Variants in HIPK2 observed in about 807,000 individuals in gnomAD.
HIPK2 encodes homeodomain interacting protein kinase 2.
Under a neutral mutation model 113.7 loss-of-function variants are expected in HIPK2, and 27 were observed. The ratio of observed to expected loss-of-function variants is 0.24; its 90% CI spans 0.17 to 0.33. The LOEUF (loss-of-function observed/expected upper bound fraction) is 0.33. Ranked by LOEUF, HIPK2 falls within the 10% of genes least tolerant of loss-of-function variation. HIPK2 has a pLI of 1.00. For missense variants in HIPK2, 1,257 were observed against 1,588.0 expected, an observed-to-expected ratio of 0.79 and a Z score of 3.54; for synonymous variants, 631 against 642.2, an observed-to-expected ratio of 0.98 and a Z score of 0.26.
intron 1 of HIPK2, among the ~76,000 whole-genome samples, chr7:139,739,013 C>T (rs552819506): frequency 3.9e-5 from 6 of 152,286 alleles, no homozygotes; most frequent in Admixed American, 2.6e-4. Flanking sequence ...AGAATAAATG[C>T]CCTCGCCCAA....
chr7:139,577,443 C>T (rs538998185), intron 13 of HIPK2, among the ~76,000 whole-genome samples: 53 of 152,214 alleles, frequency 3.5e-4, no homozygotes, highest in African/African-American at 6.3e-4. Context: ...TGAGCCACCG[C>T]GCTGGGCCAA....
At chr7:139,777,551 C>T (rs1050138421) in intron 1 of HIPK2, 54 bp downstream of exon 1, 17 of 865,258 alleles carry the variant, frequency 2.0e-5, no homozygotes, top group Non-Finnish European at 2.3e-5. Flanking sequence ...AACAAAGCTG[C>T]GGGGGCCGCG....
chr7:139,590,269 A>T (rs1195271890), intron 12 of HIPK2, among the ~76,000 whole-genome samples: 1 of 152,246 alleles, frequency 6.6e-6, no homozygotes, highest in East Asian at 1.9e-4. Context: ...TTCTGAATAA[A>T]GAACAAAGCT....
chr7:139,593,279 T>C (rs1335930320), intron 12 of HIPK2, among the ~76,000 whole-genome samples: 3 of 152,192 alleles, frequency 2.0e-5, no homozygotes, highest in Admixed American at 2.0e-4. Flanking sequence ...CAAATGGGAA[T>C]AGAAATATCA....
At chr7:139,691,375 C>A (rs1000874278) in intron 2 of HIPK2, among the ~76,000 whole-genome samples, 1 of 152,160 alleles carries the variant, frequency 6.6e-6, no homozygotes, top group Non-Finnish European at 1.5e-5. Flanking sequence ...TTCATATCTG[C>A]GGAGAGAGTG....
chr7:139,694,443 C>T (rs1409266994), intron 2 of HIPK2, among the ~76,000 whole-genome samples: 4 of 152,170 alleles, frequency 2.6e-5, no homozygotes, highest in Non-Finnish European at 4.4e-5. Context: ...GGTGTCTCCT[C>T]CCAAGGCAGG....
intron 9 of HIPK2, among the ~76,000 whole-genome samples, chr7:139,611,980 TA>T (rs746994752): frequency 5.9e-5 from 9 of 152,172 alleles, no homozygotes; most frequent in Admixed American, 2.0e-4. Flanking sequence ...TTGGTTTCTG[TA>T]ACTAAAATTC....
At chr7:139,720,823 G>T (rs539007210) in intron 1 of HIPK2, among the ~76,000 whole-genome samples, 1 of 152,252 alleles carries the variant, frequency 6.6e-6, no homozygotes, top group African/African-American at 2.4e-5. Flanking sequence ...GAAATACGCT[G>T]TTCATACATA....
intron 1 of HIPK2, among the ~76,000 whole-genome samples, chr7:139,728,705 A>G (rs982616810): frequency 6.6e-6 from 1 of 152,244 alleles, no homozygotes; most frequent in Non-Finnish European, 1.5e-5. Context: ...AATTCAACCC[A>G]TAACAATAGT....
intron 14 of HIPK2, 114 bp downstream of exon 14, chr7:139,575,014 C>A: frequency 7.3e-7 from 1 of 1,369,638 alleles, no homozygotes. Context: ...CACCCGTGGC[C>A]AGGACTGCAG....
intron 2 of HIPK2, among the ~76,000 whole-genome samples, chr7:139,689,772 G>A (rs1369368684): frequency 5.3e-5 from 8 of 152,162 alleles, no homozygotes; most frequent in Non-Finnish European, 4.4e-5. Context: ...GCTTGAAGAG[G>A]AGCCAGGACT....
At chr7:139,670,962 C>T (rs567653839) in intron 2 of HIPK2, among the ~76,000 whole-genome samples, 125 of 151,904 alleles carry the variant, frequency 8.2e-4, no homozygotes, top group Non-Finnish European at 1.5e-3. Flanking sequence ...GGTTTTGCCA[C>T]GTTGTCCAGG....
At chr7:139,767,667 T>C (rs1796574848) in intron 1 of HIPK2, among the ~76,000 whole-genome samples, 1 of 152,230 alleles carries the variant, frequency 6.6e-6, no homozygotes, top group Admixed American at 6.5e-5. Context: ...AATGGGTCAG[T>C]TTCATCAGCT....
intron 2 of HIPK2, among the ~76,000 whole-genome samples, chr7:139,633,250 A>G (rs1396144454): frequency 6.6e-6 from 1 of 151,986 alleles, no homozygotes; most frequent in African/African-American, 2.4e-5. Context: ...TGCAGCCTGG[A>G]GTGGGAGTGA....
chr7:139,604,364 A>G, intron 9 of HIPK2, 141 bp from the exon 10 acceptor site: 1 of 1,195,436 alleles, frequency 8.4e-7, no homozygotes, highest in Non-Finnish European at 1.2e-6. Context: ...CTGGCCTCAA[A>G]AACTAAAGTA....
At chr7:139,734,271 C>G (rs1353417146) in intron 1 of HIPK2, among the ~76,000 whole-genome samples, 1 of 152,246 alleles carries the variant, frequency 6.6e-6, no homozygotes, top group Non-Finnish European at 1.5e-5. Flanking sequence ...CTCATCACCA[C>G]CAGTGTTAGT....
intron 6 of HIPK2, among the ~76,000 whole-genome samples, chr7:139,622,888 C>G (rs1015009506): frequency 6.6e-6 from 1 of 152,194 alleles, no homozygotes; most frequent in East Asian, 1.9e-4. Context: ...CTGATGCTCA[C>G]GGTCTCCATG....
rs1367111243 is a variant in HIPK2 at position 139,564,699 on chromosome 7, T to G, written c.*8228A>C. Reference sequence around the variant, plus strand: ...CAACCTCCAACTAAGAGGCATTCACTGGGGTTTGCGGATGTCAGTTATAAA... The same window carrying G: ...CAACCTCCAACTAAGAGGCATTCACGGGGGTTTGCGGATGTCAGTTATAAA... On this transcript the variant is annotated 3_prime_UTR_variant, in exon 15 of 15. Coordinates refer to ENST00000406875, the MANE Select transcript of HIPK2 (RefSeq NM_022740.5). 1 of 152,248 alleles carries G rather than the reference T, an allele frequency of 6.6e-6. No individual in the cohort carries two copies. Among genetic ancestry groups the G allele is most frequent in the Non-Finnish European group, 1.5e-5 (1 of 68,048 alleles). The allele number at this position is 152,248 out of a possible 1,614,324, so 9.4% of individuals were successfully genotyped here.
At chr7:139,607,938 G>A (rs1193723401) in intron 9 of HIPK2, among the ~76,000 whole-genome samples, 3 of 152,084 alleles carry the variant, frequency 2.0e-5, no homozygotes, top group African/African-American at 7.2e-5. Flanking sequence ...AAACAGTTAA[G>A]TTAAAAATTA....
Sources: gnomAD v4.1 joint callset for allele counts (sites outside exome capture counted in the v4.1 genomes callset) on GRCh38, gnomAD v4.1.1 for gene constraint, MANE v1.5 for transcripts, NCBI Gene and HGNC (gene_info 2026-07-23, HGNC 2026-07-21) for gene names.